The following EXD3 variants were observed in gnomAD, a reference collection of about 807,000 sequenced individuals.
EXD3 encodes the protein exonuclease mut-7 homolog.
In EXD3, 92 loss-of-function variants were observed where a neutral mutation model predicts 98.0. The ratio of observed to expected loss-of-function variants is 0.94; its 90% CI spans 0.79 to 1.12. The LOEUF (loss-of-function observed/expected upper bound fraction) is 1.12. Ranked by LOEUF, EXD3 falls within the 50% of genes most tolerant of loss-of-function variation. EXD3 has a pLI of 0.00. For synonymous variants in EXD3, 569 were observed against 526.0 expected (o/e 1.08, Z -1.12); for missense variants, 1,222 against 1,191.6 (o/e 1.03, Z -0.38).
intron 2 of EXD3, among the ~76,000 whole-genome samples, chr9:137,384,684 G>A (rs1461965115): frequency 6.6e-6 from 1 of 152,220 alleles, no homozygotes; most frequent in Admixed American, 6.5e-5. Flanking sequence ...AATGGGTTCG[G>A]CATCAATGCT....
At chr9:137,358,642 G>A (rs1205505231) in intron 7 of EXD3, among the ~76,000 whole-genome samples, 1 of 152,140 alleles carries the variant, frequency 6.6e-6, no homozygotes, top group Non-Finnish European at 1.5e-5. Context: ...AGATGCTTGT[G>A]TTTAACTGCC....
intron 13 of EXD3, 81 bp from the exon 14 acceptor site, chr9:137,351,228 C>A (rs1834282893): frequency 6.5e-7 from 1 of 1,535,108 alleles, no homozygotes; most frequent in African/African-American, 1.4e-5. Context: ...CACCCAGCAC[C>A]CTCCCCGGGG....
intron 17 of EXD3, among the ~76,000 whole-genome samples, chr9:137,338,558 A>C (rs1833481719): frequency 6.6e-6 from 1 of 152,078 alleles, no homozygotes; most frequent in South Asian, 2.1e-4. Context: ...ATGCAATAGA[A>C]AGACTTAACA....
chr9:137,356,370 T>C lies in EXD3; in HGVS notation c.657-2A>G. 6.3e-7 allele frequency: 1 copy of C among 1,576,986 alleles called. No homozygotes were observed. Among genetic ancestry groups the C allele is most frequent in the Non-Finnish European group, 8.6e-7 (1 of 1,156,236 alleles). On this transcript the variant is annotated splice_acceptor_variant, in intron 7 of 21. Coordinates refer to ENST00000340951, the MANE Select transcript of EXD3 (RefSeq NM_017820.5). LOFTEE classifies it high-confidence loss of function. Reference sequence around the variant, plus strand: ...AAGGAGGTCACCTCAGGGTACCGTCTGTGGGGAGAGAGAGGCACAGCCTCT... The same window carrying C: ...AAGGAGGTCACCTCAGGGTACCGTCCGTGGGGAGAGAGAGGCACAGCCTCT...
At chr9:137,322,344 C>CCACA (rs1226203833) in intron 19 of EXD3, among the ~76,000 whole-genome samples, 2 of 150,452 alleles carry the variant, frequency 1.3e-5, no homozygotes, top group East Asian at 3.9e-4. Context: ...CACCCTGGAC[C>CCACA]AGGGATTCTC....
At chr9:137,410,009 T>G (rs1470093495) in intron 1 of EXD3, among the ~76,000 whole-genome samples, 1 of 151,980 alleles carries the variant, frequency 6.6e-6, no homozygotes, top group African/African-American at 2.4e-5. Context: ...ACCCTGTCTC[T>G]ACTAAAAATA....
chr9:137,373,628 T>A, intron 3 of EXD3, 29 bp from the exon 4 acceptor site: 1 of 1,573,372 alleles, frequency 6.4e-7, no homozygotes, highest in Non-Finnish European at 8.6e-7. Context: ...ACACTGGCAC[T>A]TTGTCTTGCA....
At chr9:137,365,739 G>A (rs752523273) in intron 7 of EXD3, 9 of 293,312 alleles carry the variant, frequency 3.1e-5, no homozygotes, top group Non-Finnish European at 5.3e-5. Flanking sequence ...CACACCTACA[G>A]GCACACACAT....
chr9:137,337,236 C>T (rs1190819135), intron 17 of EXD3, among the ~76,000 whole-genome samples: 1 of 152,160 alleles, frequency 6.6e-6, no homozygotes, highest in Non-Finnish European at 1.5e-5. Flanking sequence ...CACCTACTAA[C>T]ATAACTTTAA....
At position 137,352,220 on chromosome 9, in the gene EXD3, G is replaced by A; in HGVS notation, c.1038-19C>T. 2 of 1,612,212 alleles carry A rather than the reference G, an allele frequency of 1.2e-6. No homozygotes were observed. Among genetic ancestry groups the A allele is most frequent in the Non-Finnish European group, 1.7e-6 (2 of 1,179,546 alleles). The stretch of plus-strand genomic sequence containing the variant: ...AGTCGCCCTGGGAGGAGCAGAGCTG[G>A]TAGCGCCCCCATGTCCCTGGTCCCC... On this transcript the variant is annotated intron_variant, in intron 11 of 21. Transcript: ENST00000340951.
In EXD3 at chr9:137,324,103, T is replaced by C; in HGVS notation, c.2039A>G (p.Gln680Arg). The change falls in exon 18 of 22, where the codon CAG becomes CGG. Residue 680 changes from glutamine (Q) to arginine (R), a missense_variant. Physicochemically the swap from Gln to Arg is conservative, Grantham distance 43. Transcript: ENST00000340951. The surrounding 1 kb of genome is among the most constrained non-coding windows in gnomAD (Gnocchi z 4.1). ...QEGRIILTSG[Q>R]PFHKLRAQVG... ...TGGGACACTCACCTTGTGGAATGGC[T>C]GCCCCGACGTCAGAATGATCCTCCC... is the stretch of plus-strand genomic sequence containing the variant. 1.3e-6 allele frequency: 2 copies of C among 1,588,372 alleles called. No homozygotes were observed. The highest frequency in any genetic ancestry group is 1.7e-6 in the Non-Finnish European group (2 of 1,168,148).
At chr9:137,348,335 T>C (rs1167891784) in intron 16 of EXD3, 97 bp from the exon 17 acceptor site, 11 of 1,303,934 alleles carry the variant, frequency 8.4e-6, no homozygotes, top group African/African-American at 4.6e-5. Context: ...CAGCACTCTG[T>C]CTCTGTTTTA....
intron 19 of EXD3, among the ~76,000 whole-genome samples, chr9:137,315,932 C>T (rs1379022588): frequency 6.6e-6 from 1 of 151,188 alleles, no homozygotes; most frequent in African/African-American, 2.4e-5. Context: ...CGCCCCCACA[C>T]CGTCCCCATC....
rs116606288 is a variant in EXD3, at chr9:137,313,760, C to T, written c.2185-4060G>A. On this transcript the variant is annotated intron_variant, in intron 19 of 21. Coordinates refer to ENST00000340951, the MANE Select transcript of EXD3 (RefSeq NM_017820.5). ...CAAGGCCTGAGGCCACCAGGCAGGG[C>T]GATGGGGCTGTAGGAGCACACTCTG... 8.6e-3 allele frequency among the ~76,000 whole-genome samples: 1,304 copies of T among 152,224 alleles called. 11 individuals carry two copies. The highest frequency in any genetic ancestry group is 0.03 in the African/African-American group (1,236 of 41,526).
At chr9:137,344,345 C>T (rs1008673939) in intron 17 of EXD3, among the ~76,000 whole-genome samples, 8 of 152,128 alleles carry the variant, frequency 5.3e-5, no homozygotes, top group South Asian at 4.2e-4. Context: ...TCAGTTGGGC[C>T]GATCTAGAGA....
At chr9:137,372,183 G>A (rs1255119469) in intron 5 of EXD3, among the ~76,000 whole-genome samples, 1 of 152,218 alleles carries the variant, frequency 6.6e-6, no homozygotes, top group African/African-American at 2.4e-5. Context: ...GGGACCGAAA[G>A]GGACCGAAGC....
chr9:137,316,197 C>G (rs1339650156), intron 19 of EXD3, among the ~76,000 whole-genome samples: 6 of 151,744 alleles, frequency 4.0e-5, no homozygotes, highest in Non-Finnish European at 5.9e-5. Flanking sequence ...GGAGGAGGGG[C>G]GGCGGAGGGC....
intron 1 of EXD3, among the ~76,000 whole-genome samples, chr9:137,411,788 G>C (rs1010831756): frequency 2.0e-5 from 3 of 151,796 alleles, no homozygotes. Flanking sequence ...TCCTGTGGCC[G>C]CGGTGCACAA....
chr9:137,326,983 C>A (rs916402913), intron 17 of EXD3, among the ~76,000 whole-genome samples: 23 of 151,982 alleles, frequency 1.5e-4, no homozygotes, highest in African/African-American at 5.6e-4. Context: ...TTACGACACG[C>A]CGAGTGAAAG....
Sources: gnomAD v4.1 joint callset for allele counts (sites outside exome capture counted in the v4.1 genomes callset) on GRCh38, gnomAD v4.1.1 for gene constraint, Gnocchi (gnomAD v3.1) non-coding constraint, MANE v1.5 for transcripts, NCBI Gene and HGNC (gene_info 2026-07-23, HGNC 2026-07-21) for gene names.